NEDD4: variants seen among roughly 807,000 people sequenced by gnomAD.
NEDD4 encodes NEDD4 E3 ubiquitin protein ligase, also known as E3 ubiquitin-protein ligase NEDD4.
NEDD4 carries 99 observed loss-of-function variants against 144.9 expected under a neutral mutation model. The ratio of observed to expected loss-of-function variants is 0.68; its 90% CI spans 0.58 to 0.81. The LOEUF is 0.81. NEDD4 is among the 30% of genes least tolerant of loss of function. NEDD4 has a pLI of 0.00. For synonymous variants in NEDD4, 318 were observed against 350.6 expected (o/e 0.91, Z 1.04); for missense variants, 985 against 1,065.9 (o/e 0.92, Z 1.06).
rs1314443948 is a variant in NEDD4 at position 55,834,297 on chromosome 15, G to C, written c.2263-11C>G. The C allele has an allele frequency of 6.3e-7, 1 of 1,588,722 alleles. No individual in the cohort carries two copies. The highest frequency in any genetic ancestry group is 1.7e-5 in the Admixed American group (1 of 59,004). On this transcript the variant is annotated splice_polypyrimidine_tract_variant and intron_variant, in intron 24 of 28. Coordinates refer to ENST00000435532, the MANE Select transcript of NEDD4 (RefSeq NM_006154.4). Reference sequence around the variant, plus strand: ...TAGTTCAAAGAATCCCTAGAAAAAAGATGTATTTAAAAACTTGATGGGCAG... The same window carrying C: ...TAGTTCAAAGAATCCCTAGAAAAAACATGTATTTAAAAACTTGATGGGCAG...
intron 9 of NEDD4, among the ~76,000 whole-genome samples, chr15:55,862,139 T>C (rs1357286460): frequency 6.6e-6 from 1 of 152,126 alleles, no homozygotes; most frequent in Non-Finnish European, 1.5e-5. Context: ...CTGATTTGTT[T>C]TGGAAGGATT....
chr15:55,831,781 A>G (rs1203159971), intron 27 of NEDD4, among the ~76,000 whole-genome samples: 2 of 152,160 alleles, frequency 1.3e-5, no homozygotes, highest in Non-Finnish European at 2.9e-5. Flanking sequence ...CAGCTTAGCA[A>G]TTTCCTAGGC....
At chr15:55,955,946 G>A (rs1269291754) in intron 2 of NEDD4, among the ~76,000 whole-genome samples, 2 of 151,354 alleles carry the variant, frequency 1.3e-5, no homozygotes, top group Non-Finnish European at 2.9e-5. Context: ...CTCCTGAGTA[G>A]CTGGGACCAC....
Position 55,827,197 on chromosome 15 carries a change from T to C in NEDD4, c.*2700A>G, listed in dbSNP as rs1435482560. The C allele has an allele frequency of 6.6e-6, 1 of 152,250 alleles. No individual in the cohort carries two copies. The highest frequency in any genetic ancestry group is 1.5e-5 in the Non-Finnish European group (1 of 68,044). The allele number at this position is 152,250 out of a possible 1,614,324, so 9.4% of individuals were successfully genotyped here. On this transcript the variant is annotated 3_prime_UTR_variant, in exon 29 of 29. Coordinates refer to ENST00000435532, the MANE Select transcript of NEDD4 (RefSeq NM_006154.4). ...ATGAAATGCATTTGTAATACAATTT[T>C]GTTAAAAATTTTTAATAAGAGATTG...
intron 14 of NEDD4, 63 bp downstream of exon 14, chr15:55,850,479 G>C: frequency 6.8e-6 from 10 of 1,477,482 alleles, no homozygotes; most frequent in Non-Finnish European, 9.3e-6. Context: ...AAGATTTTAA[G>C]GAACTATACA....
intron 5 of NEDD4, chr15:55,905,339 T>G: frequency 2.2e-6 from 1 of 452,314 alleles, no homozygotes. Flanking sequence ...CAAATTGACC[T>G]CAGAGAGAAG....
intron 1 of NEDD4, among the ~76,000 whole-genome samples, chr15:55,989,426 T>C (rs1469908067): frequency 1.3e-5 from 2 of 152,224 alleles, no homozygotes; most frequent in Non-Finnish European, 2.9e-5. Flanking sequence ...GCTTAACCTA[T>C]GCTTCTCCTC....
chr15:55,941,148 G>A (rs1036295640), intron 4 of NEDD4, among the ~76,000 whole-genome samples: 8 of 151,964 alleles, frequency 5.3e-5, no homozygotes, highest in African/African-American at 1.9e-4. Context: ...GCCAGCTGTT[G>A]TATATCAATT....
chr15:55,987,156 T>C (rs1447350302), intron 1 of NEDD4: 6 of 103,762 alleles, frequency 5.8e-5, no homozygotes, highest in African/African-American at 7.7e-5. Flanking sequence ...TTTTTAATGA[T>C]TGCCATTCTA....
Position 55,968,572 on chromosome 15 carries a change from A to G in NEDD4, c.46-2026T>C, listed in dbSNP as rs551067688. On this transcript the variant is annotated intron_variant, in intron 1 of 28. Transcript: ENST00000435532. ...ATATGTGAATAACTCCTAAAAATCAATATGTAAGATATAATTAACCTAGTA... is the reference window on the plus strand; with the variant it reads ...ATATGTGAATAACTCCTAAAAATCAGTATGTAAGATATAATTAACCTAGTA... Among the ~76,000 whole-genome samples the G allele has an allele frequency of 4.6e-5, 7 of 152,312 alleles. No homozygotes were observed. In the South Asian group the frequency reaches 8.3e-4, roughly 18 times the overall value.
chr15:55,982,351 C>T (rs12594988), intron 1 of NEDD4, among the ~76,000 whole-genome samples: 18,454 of 151,870 alleles, frequency 0.12, 1,212 homozygotes, highest in East Asian at 0.26. Flanking sequence ...TTCATAATAG[C>T]CCAAAGTTGG....
chr15:55,870,092 T>C lies in NEDD4; in HGVS notation c.405-411A>G, dbSNP rs144233451. ...GAAATTTGGGGTGCAATTAAGGAAA[T>C]TGCAGTAGTTGAGTTTGGCTAGATT... On this transcript the variant is annotated intron_variant, in intron 7 of 28. Transcript: ENST00000435532. Among the ~76,000 whole-genome samples the C allele has an allele frequency of 4.1e-3, 624 of 152,116 alleles. 7 individuals carry two copies. Among genetic ancestry groups the C allele is most frequent in the East Asian group, 0.02 (102 of 5,170 alleles).
chr15:55,917,866 A>G (rs1443790756), intron 5 of NEDD4, among the ~76,000 whole-genome samples: 3 of 152,152 alleles, frequency 2.0e-5, no homozygotes, highest in Admixed American at 6.5e-5. Flanking sequence ...GATAGTTTGA[A>G]CACACAGGAT....
intron 2 of NEDD4, among the ~76,000 whole-genome samples, chr15:55,965,821 T>G (rs1595879906): frequency 6.6e-6 from 1 of 152,118 alleles, no homozygotes; most frequent in East Asian, 1.9e-4. Context: ...TGGATAATTT[T>G]TGTATTTTTA....
In NEDD4 at chr15:55,840,492, C is replaced by A; in HGVS notation, c.1986G>T (p.Lys662Asn). 2 of 1,613,918 alleles carry A rather than the reference C, an allele frequency of 1.2e-6. No homozygotes were observed. The highest frequency in any genetic ancestry group is 1.7e-6 in the Non-Finnish European group (2 of 1,179,966). The stretch of plus-strand genomic sequence containing the variant: ...GGGTTATTGGTTTGTGAAGCATCAT[C>A]TTGTAAAATGGGCGGATGAAAAAAC... ...LDGFFIRPFY[K>N]MMLHKPITLH... is the part of the protein sequence containing the mutation. The change falls in exon 21 of 29, where the codon AAG becomes AAT. Residue 662 changes from lysine (K) to asparagine (N), a missense_variant. By Grantham distance (94) the Lys-to-Asn change is moderately conservative (BLOSUM62 0). Transcript: ENST00000435532.
chr15:55,980,325 T>C (rs2037777574), intron 1 of NEDD4, among the ~76,000 whole-genome samples: 1 of 152,128 alleles, frequency 6.6e-6, no homozygotes, highest in African/African-American at 2.4e-5. Context: ...CAAGAAACCT[T>C]TCTAAAGTAG....
At chr15:55,921,945 T>C (rs1373302981) in intron 5 of NEDD4, among the ~76,000 whole-genome samples, 1 of 152,236 alleles carries the variant, frequency 6.6e-6, no homozygotes, top group Non-Finnish European at 1.5e-5. Context: ...CTGTCCCTCC[T>C]TGTGGACAAC....
intron 12 of NEDD4, among the ~76,000 whole-genome samples, chr15:55,854,875 C>T (rs1028395540): frequency 6.6e-6 from 1 of 152,118 alleles, no homozygotes; most frequent in Non-Finnish European, 1.5e-5. Context: ...GCTGCTCATC[C>T]GGTCCATCTA....
intron 5 of NEDD4, among the ~76,000 whole-genome samples, chr15:55,881,381 T>C (rs1416679605): frequency 6.6e-6 from 1 of 152,146 alleles, no homozygotes; most frequent in African/African-American, 2.4e-5. Flanking sequence ...CCTCCAGTAA[T>C]CTACCCACCT....
Sources: gnomAD v4.1 joint callset for allele counts (sites outside exome capture counted in the v4.1 genomes callset) on GRCh38, gnomAD v4.1.1 for gene constraint, MANE v1.5 for transcripts, NCBI Gene and HGNC (gene_info 2026-07-23, HGNC 2026-07-21) for gene names.